The following FERRY3 variants were observed in gnomAD, a reference collection of about 807,000 sequenced individuals.
The protein encoded by FERRY3 is FERRY endosomal RAB5 effector complex subunit 3.
At chr12:4,530,145 C>A in the FERRY3 span, 10 of 1,126,436 alleles carry the variant, frequency 8.9e-6, no homozygotes, top group Non-Finnish European at 1.3e-5. Context: ...TTTTGCACTT[C>A]AATGACAGAA....
chr12:4,491,853 A>G, the FERRY3 span, among the ~76,000 whole-genome samples: 21 of 152,292 alleles, frequency 1.4e-4, no homozygotes, highest in Middle Eastern at 3.4e-3. Flanking sequence ...CATAATTATA[A>G]CTATAAAACA....
the FERRY3 span, chr12:4,529,732 C>T: frequency 4.2e-6 from 3 of 707,420 alleles, no homozygotes; most frequent in Non-Finnish European, 6.6e-6. Context: ...TTTAAACATA[C>T]AAGAAAATTA....
chr12:4,497,338 C>T, the FERRY3 span, among the ~76,000 whole-genome samples: 1 of 152,142 alleles, frequency 6.6e-6, no homozygotes, highest in Admixed American at 6.5e-5. Context: ...AAAACAGTGG[C>T]TACCCTTGAG....
chr12:4,492,970 T>C, the FERRY3 span, among the ~76,000 whole-genome samples: 266 of 152,280 alleles, frequency 1.7e-3, no homozygotes, highest in Middle Eastern at 3.4e-3. Context: ...TGCCTAAACA[T>C]GGTCTGCAAT....
At chr12:4,494,777 T>C in the FERRY3 span, among the ~76,000 whole-genome samples, 1 of 152,228 alleles carries the variant, frequency 6.6e-6, no homozygotes, top group Non-Finnish European at 1.5e-5. Flanking sequence ...AACTTTGTTC[T>C]TTTTCAAAAT....
chr12:4,530,799 C>T, the FERRY3 span, among the ~76,000 whole-genome samples: 3 of 152,082 alleles, frequency 2.0e-5, no homozygotes, highest in Admixed American at 2.0e-4. Context: ...TCAGCACACA[C>T]GAATACATCC....
the FERRY3 span, among the ~76,000 whole-genome samples, chr12:4,535,623 C>T: frequency 1.3e-4 from 20 of 152,304 alleles, no homozygotes; most frequent in South Asian, 3.9e-3. This position sits in a 1 kb window ranked among gnomAD's most constrained non-coding sequence, Gnocchi z 4.0. Flanking sequence ...AAAATTAGTA[C>T]ACTTTCTGTT....
the FERRY3 span, among the ~76,000 whole-genome samples, chr12:4,535,620 G>A: frequency 6.6e-6 from 1 of 152,166 alleles, no homozygotes; most frequent in Non-Finnish European, 1.5e-5. This position sits in a 1 kb window ranked among gnomAD's most constrained non-coding sequence, Gnocchi z 4.0. Context: ...TCAAAAATTA[G>A]TACACTTTCT....
the FERRY3 span, among the ~76,000 whole-genome samples, chr12:4,527,845 T>C: frequency 1.3e-5 from 2 of 151,468 alleles, no homozygotes; most frequent in South Asian, 4.2e-4. Context: ...CATCAAGAAA[T>C]ATGGCCAAAT....
chr12:4,505,314 A>T, the FERRY3 span: 2 of 1,593,838 alleles, frequency 1.3e-6, no homozygotes, highest in Non-Finnish European at 1.7e-6. Flanking sequence ...ACCAGGTAAA[A>T]CATTTAAATA....
At chr12:4,534,082 T>C in the FERRY3 span, 2 of 1,433,434 alleles carry the variant, frequency 1.4e-6, no homozygotes, top group Non-Finnish European at 1.9e-6. Flanking sequence ...GATTTCAGGA[T>C]TACCACAGCA....
the FERRY3 span, among the ~76,000 whole-genome samples, chr12:4,516,159 G>A: frequency 3.1e-3 from 469 of 152,134 alleles, 3 homozygotes; most frequent in Non-Finnish European, 4.9e-3. Context: ...TTTAGTCTAC[G>A]TTTCCAATCC....
At chr12:4,507,789 A>G in the FERRY3 span, among the ~76,000 whole-genome samples, 6 of 152,342 alleles carry the variant, frequency 3.9e-5, no homozygotes, top group African/African-American at 1.4e-4. Context: ...TGAAAAAGGC[A>G]GAGTACAGAA....
At chr12:4,504,200 C>T in the FERRY3 span, among the ~76,000 whole-genome samples, 1 of 152,148 alleles carries the variant, frequency 6.6e-6, no homozygotes, top group African/African-American at 2.4e-5. Context: ...GTAATGTGTT[C>T]CCACTGAGTG....
At chr12:4,522,368 A>G in the FERRY3 span, among the ~76,000 whole-genome samples, 1 of 152,346 alleles carries the variant, frequency 6.6e-6, no homozygotes, top group Admixed American at 6.5e-5. Context: ...TTGTATCCAG[A>G]ATATATAAAG....
the FERRY3 span, among the ~76,000 whole-genome samples, chr12:4,516,115 T>C: frequency 6.6e-6 from 1 of 152,290 alleles, no homozygotes; most frequent in South Asian, 2.1e-4. Context: ...CAGTCAAAGA[T>C]ATGACATAAA....
the FERRY3 span, among the ~76,000 whole-genome samples, chr12:4,509,626 C>T: frequency 1.4e-5 from 2 of 143,134 alleles, no homozygotes; most frequent in Admixed American, 6.7e-5. Context: ...AGGCACCCCC[C>T]GGCAGGGGTA....
the FERRY3 span, among the ~76,000 whole-genome samples, chr12:4,519,506 T>A: frequency 6.6e-6 from 1 of 152,216 alleles, no homozygotes; most frequent in Non-Finnish European, 1.5e-5. The surrounding 1 kb of genome is among the most constrained non-coding windows in gnomAD (Gnocchi z 4.3). Flanking sequence ...CAGTGGTATA[T>A]GCTGAGGATG....
chr12:4,529,916 T>C, the FERRY3 span: 1 of 1,612,912 alleles, frequency 6.2e-7, no homozygotes. Context: ...CAATCAGTTC[T>C]GAGATACTAA....
Sources: gnomAD v4.1 joint callset for allele counts (sites outside exome capture counted in the v4.1 genomes callset) on GRCh38, gnomAD v4.1.1 for gene constraint, Gnocchi (gnomAD v3.1) non-coding constraint, MANE v1.5 for transcripts, NCBI Gene and HGNC (gene_info 2026-07-23, HGNC 2026-07-21) for gene names.